Variants in LMTK2 observed in about 807,000 individuals in gnomAD.
LMTK2 encodes the protein lemur tail kinase 2.
In LMTK2, 37 loss-of-function variants were observed where a neutral mutation model predicts 127.5. That is an observed-to-expected ratio of 0.29 (90% confidence interval 0.22 to 0.38). The LOEUF (loss-of-function observed/expected upper bound fraction) is 0.38, where lower values mean the gene tolerates loss of function less well. Among genes scored for constraint, LMTK2 ranks in the 10% least tolerant of loss-of-function variants. The probability of loss-of-function intolerance (pLI) is 1.00; values close to 1 mark genes in which losing one functional copy is unlikely to be tolerated. For synonymous variants in LMTK2, 819 were observed against 810.1 expected, an observed-to-expected ratio of 1.01 and a Z score of -0.19; for missense variants, 1,694 against 1,920.3, an observed-to-expected ratio of 0.88 and a Z score of 2.20.
At position 98,203,591 on chromosome 7, in the gene LMTK2, G is replaced by A. The variant is rs992890149; in HGVS notation, c.4125G>A (p.Glu1375=). 2 of 1,598,064 alleles carry A rather than the reference G, an allele frequency of 1.3e-6. No homozygotes were observed. The highest frequency in any genetic ancestry group is 3.8e-5 in the Admixed American group (2 of 53,288). The stretch of plus-strand genomic sequence containing the variant: ...CTTTTCAGGAGACCCCAACCAAAGA[G>A]CTGGGGCCCTGTGGAGGAGAGGCGT... ...YLFDQETPTK[E]LGPCGGEACG... is the part of the protein sequence containing the mutation. Residue 1375 remains glutamate (E), a synonymous_variant, in exon 12 of 14, where the codon GAG becomes GAA. Coordinates refer to ENST00000297293, the MANE Select transcript of LMTK2 (RefSeq NM_014916.4).
chr7:98,191,785 C>T lies in LMTK2; in HGVS notation c.1320C>T (p.Asn440=). The part of the protein sequence containing the change: ...KPNTNSRDSS[N]NAAFPILDHF... ...ACACAAACAGCAGAGACTCCTCCAA[C>T]AATGCTGCATTCCCAATTCTCGACC... Residue 440 remains asparagine, a synonymous_variant, in exon 11 of 14, where the codon AAC becomes AAT. Coordinates refer to ENST00000297293, the MANE Select transcript of LMTK2 (RefSeq NM_014916.4). 1 of 1,614,180 alleles carries T rather than the reference C, an allele frequency of 6.2e-7. No homozygotes were observed. Among genetic ancestry groups the T allele is most frequent in the South Asian group, 1.1e-5 (1 of 91,090 alleles).
At chr7:98,157,459 A>C (rs1303218273) in intron 5 of LMTK2, among the ~76,000 whole-genome samples, 2 of 152,134 alleles carry the variant, frequency 1.3e-5, no homozygotes, top group Non-Finnish European at 2.9e-5. Flanking sequence ...ACAGCCCAGC[A>C]GTTGCATCCC....
intron 11 of LMTK2, among the ~76,000 whole-genome samples, chr7:98,196,721 G>C (rs1369939082): frequency 6.6e-6 from 1 of 152,190 alleles, no homozygotes. Flanking sequence ...TTAGAAGACA[G>C]AATTGCAAAA....
intron 7 of LMTK2, among the ~76,000 whole-genome samples, chr7:98,181,239 A>G (rs914003509): frequency 6.6e-6 from 1 of 152,214 alleles, no homozygotes; most frequent in Non-Finnish European, 1.5e-5. Context: ...ATCTATAACA[A>G]GAACATGCAT....
chr7:98,182,901 C>T (rs1797375988), intron 7 of LMTK2, among the ~76,000 whole-genome samples: 1 of 152,236 alleles, frequency 6.6e-6, no homozygotes, highest in Non-Finnish European at 1.5e-5. Context: ...CCAAGGACAT[C>T]TCACAGTTCA....
At position 98,107,012 on chromosome 7, in the gene LMTK2, C is replaced by A; in HGVS notation, c.-166C>A. On this transcript the variant is annotated 5_prime_UTR_variant, in exon 1 of 14. Transcript: ENST00000297293. ...GTTTCTGCGACTGGAGCGGCAGGTGCGGACCGGGAGCCGGACCGAGGTTTG... is the reference window on the plus strand; with the variant it reads ...GTTTCTGCGACTGGAGCGGCAGGTGAGGACCGGGAGCCGGACCGAGGTTTG... 2 of 487,536 alleles carry A rather than the reference C, an allele frequency of 4.1e-6. No individual in the cohort carries two copies. The highest frequency in any genetic ancestry group is 7.1e-6 in the Non-Finnish European group (2 of 282,454). The allele number at this position is 487,536 out of a possible 1,614,324, so 30.2% of individuals were successfully genotyped here. A position where few individuals can be genotyped will look rare whatever the true frequency, so the allele number is the denominator to read the frequency against.
chr7:98,181,095 T>C (rs1797349735), intron 7 of LMTK2, among the ~76,000 whole-genome samples: 1 of 152,212 alleles, frequency 6.6e-6, no homozygotes, highest in Non-Finnish European at 1.5e-5. Context: ...AAAGAAAATC[T>C]GGAGATGCTG....
chr7:98,205,688 C>T lies in LMTK2; in HGVS notation c.*196C>T. ...CGGGAGCCCAGGTGCAGAGCGAGGCCGTGTCCAGGAGCCGGCGTCCCTCAG... is the reference window on the plus strand; with the variant it reads ...CGGGAGCCCAGGTGCAGAGCGAGGCTGTGTCCAGGAGCCGGCGTCCCTCAG... On this transcript the variant is annotated 3_prime_UTR_variant, in exon 14 of 14. Coordinates refer to ENST00000297293, the MANE Select transcript of LMTK2 (RefSeq NM_014916.4). 6.3e-6 allele frequency: 4 copies of T among 631,802 alleles called. No homozygotes were observed. Among genetic ancestry groups the T allele is most frequent in the Non-Finnish European group, 1.1e-5 (4 of 363,004 alleles). 39.1% of individuals were successfully genotyped at this position (631,802 alleles called of 1,614,324 possible).
intron 11 of LMTK2, among the ~76,000 whole-genome samples, chr7:98,201,599 G>GTGTTTTGTTT (rs56186084): frequency 0.06 from 8,943 of 149,764 alleles, 301 homozygotes; most frequent in South Asian, 0.14. Flanking sequence ...CTTCGTGTGT[G>GTGTTTTGTTT]TGTTTTGTTT....
rs73404131 is a variant in LMTK2, at chr7:98,109,246, G to T, written c.103+1966G>T. On this transcript the variant is annotated intron_variant, in intron 1 of 13. Coordinates refer to ENST00000297293, the MANE Select transcript of LMTK2 (RefSeq NM_014916.4). ...ATAAAATGAATTTTGTTGGGGTGTT[G>T]TAGAACAAAGCAATCAGAAAAGTTA... Among the ~76,000 whole-genome samples the T allele has an allele frequency of 6.2e-3, 949 of 152,254 alleles. 12 individuals carry two copies. The highest frequency in any genetic ancestry group is 0.022 in the African/African-American group (912 of 41,550).
chr7:98,137,817 G>A (rs915619102), intron 2 of LMTK2, among the ~76,000 whole-genome samples: 1 of 152,214 alleles, frequency 6.6e-6, no homozygotes, highest in Non-Finnish European at 1.5e-5. Context: ...GAAGCGTGGT[G>A]ATTGAATTCA....
intron 1 of LMTK2, among the ~76,000 whole-genome samples, chr7:98,123,441 A>G (rs1380161853): frequency 1.3e-5 from 2 of 150,974 alleles, no homozygotes; most frequent in East Asian, 3.9e-4. Context: ...AGCAGCTTAA[A>G]TCTCCTCTCC....
At chr7:98,160,033 T>C (rs1796990251) in intron 6 of LMTK2, among the ~76,000 whole-genome samples, 1 of 152,264 alleles carries the variant, frequency 6.6e-6, no homozygotes, top group African/African-American at 2.4e-5. Flanking sequence ...TAGTAATTTC[T>C]ATGTGAAATT....
At chr7:98,130,855 A>G (rs1251344285) in intron 1 of LMTK2, among the ~76,000 whole-genome samples, 3 of 152,202 alleles carry the variant, frequency 2.0e-5, no homozygotes, top group Admixed American at 6.5e-5. Context: ...TGAGTCACCC[A>G]GTTTGTGATA....
chr7:98,198,071 A>G (rs564714381), intron 11 of LMTK2, among the ~76,000 whole-genome samples: 1 of 149,048 alleles, frequency 6.7e-6, no homozygotes, highest in East Asian at 2.0e-4. Context: ...GTTTTCATGG[A>G]TTTTTTTTTC....
chr7:98,122,393 A>G (rs1450512741), intron 1 of LMTK2, among the ~76,000 whole-genome samples: 1 of 152,142 alleles, frequency 6.6e-6, no homozygotes, highest in Non-Finnish European at 1.5e-5. Context: ...GGAATCCGCA[A>G]CTGCTGTAGG....
At chr7:98,113,127 G>A (rs890349419) in intron 1 of LMTK2, among the ~76,000 whole-genome samples, 31 of 152,086 alleles carry the variant, frequency 2.0e-4, no homozygotes, top group African/African-American at 7.0e-4. Flanking sequence ...TGTAGTTCCC[G>A]TAATCCCCAT....
chr7:98,192,119 T>C lies in LMTK2; in HGVS notation c.1654T>C (p.Tyr552His). The C allele has an allele frequency of 6.5e-7, 1 of 1,541,886 alleles. No individual in the cohort carries two copies. Among genetic ancestry groups the C allele is most frequent in the Non-Finnish European group, 8.7e-7 (1 of 1,147,456 alleles). The stretch of plus-strand genomic sequence containing the variant: ...CAACCTTTCTGTTGGAAGCGACTAT[T>C]ATATCCAGTTAGAAGAAAAAAGTGG... ...AHNLSVGSDY[Y>H]IQLEEKSGSN... Residue 552 changes from tyrosine (Y) to histidine (H), a missense_variant, in exon 11 of 14, where the codon TAT becomes CAT. By Grantham distance (83) the Tyr-to-His change is moderately conservative. This residue lies in a region of LMTK2 where 527 missense variants were observed against 539.8 expected (regional missense o/e 0.98). Coordinates refer to ENST00000297293, the MANE Select transcript of LMTK2 (RefSeq NM_014916.4).
chr7:98,208,560 G>T lies in LMTK2; in HGVS notation c.*3068G>T, dbSNP rs1797843404. On this transcript the variant is annotated 3_prime_UTR_variant, in exon 14 of 14. Coordinates refer to ENST00000297293, the MANE Select transcript of LMTK2 (RefSeq NM_014916.4). ...TGGGGTAGCAACCCAGAATCAATCT[G>T]AATTAGTCCTGTTTTGGTGGAGTTT... is the stretch of plus-strand genomic sequence containing the variant. 6.6e-6 allele frequency: 1 copy of T among 152,212 alleles called. No homozygotes were observed. Among genetic ancestry groups the T allele is most frequent in the Non-Finnish European group, 1.5e-5 (1 of 68,046 alleles). The allele number at this position is 152,212 out of a possible 1,614,324, so 9.4% of individuals were successfully genotyped here.
Sources: allele counts gnomAD v4.1 joint callset (sites outside exome capture counted in the v4.1 genomes callset), GRCh38; gene constraint gnomAD v4.1.1; regional missense constraint gnomAD v4.1.1; transcripts MANE v1.5; gene names NCBI Gene and HGNC (gene_info 2026-07-23, HGNC 2026-07-21).